The following PXYLP1 variants were observed in gnomAD, a reference collection of about 807,000 sequenced individuals.
The protein encoded by PXYLP1 is 2-phosphoxylose phosphatase 1.
Under a neutral mutation model 37.9 loss-of-function variants are expected in PXYLP1, and 17 were observed. The observed-to-expected ratio is 0.45, with a 90% CI of 0.31 to 0.67. The LOEUF is 0.67. PXYLP1 is among the 30% of genes least tolerant of loss of function. The pLI, the probability that PXYLP1 is intolerant of heterozygous loss-of-function variation, is 0.07. For synonymous variants in PXYLP1, 221 were observed against 232.2 expected (o/e 0.95, Z 0.44); for missense variants, 511 against 612.0 (o/e 0.84, Z 1.74).
Position 141,262,207 on chromosome 3 carries a change from T to C in PXYLP1, c.79+1953T>C, listed in dbSNP as rs115565960. ...GCATATGACAGCCTATTTCTAATAG[T>C]AAAAAGAATTTAAAATACTCGTTTT... On this transcript the variant is annotated intron_variant, in intron 2 of 5. Transcript: ENST00000286353. The C allele has an allele frequency of 5.2e-4, 458 of 876,194 alleles. 1 individual carries two copies. The African/African-American group carries it at 7.9e-3, about 15-fold the overall frequency. The allele number at this position is 876,194 out of a possible 1,614,324, so 54.3% of individuals were successfully genotyped here.
intron 1 of PXYLP1, among the ~76,000 whole-genome samples, chr3:141,244,378 T>C (rs1411146167): frequency 6.6e-6 from 1 of 151,912 alleles, no homozygotes; most frequent in Non-Finnish European, 1.5e-5. Context: ...TTTTTTTTGT[T>C]ATTTGCACCC....
At chr3:141,278,941 T>C (rs1249957204) in intron 3 of PXYLP1, among the ~76,000 whole-genome samples, 6 of 152,238 alleles carry the variant, frequency 3.9e-5, no homozygotes, top group African/African-American at 1.4e-4. Flanking sequence ...CAAGTTTTGC[T>C]TTTGTAAAAG....
At chr3:141,241,016 T>C (rs1164110955) in intron 1 of PXYLP1, among the ~76,000 whole-genome samples, 2 of 152,144 alleles carry the variant, frequency 1.3e-5, no homozygotes, top group African/African-American at 2.4e-5. Flanking sequence ...GAGAGCTCCC[T>C]GTTTTCAAGT....
chr3:141,265,728 C>T (rs866212367), intron 2 of PXYLP1, among the ~76,000 whole-genome samples: 11 of 152,166 alleles, frequency 7.2e-5, no homozygotes, highest in South Asian at 6.2e-4. Flanking sequence ...TTCATTCATG[C>T]ATGCATTCAT....
At chr3:141,269,737 C>T (rs569059342) in intron 2 of PXYLP1, among the ~76,000 whole-genome samples, 2 of 152,288 alleles carry the variant, frequency 1.3e-5, no homozygotes, top group African/African-American at 4.8e-5. Flanking sequence ...GTTAAGGAGA[C>T]AGGTTCTTTT....
chr3:141,283,903 C>G (rs949138305), intron 4 of PXYLP1, among the ~76,000 whole-genome samples: 1 of 151,808 alleles, frequency 6.6e-6, no homozygotes, highest in African/African-American at 2.4e-5. Flanking sequence ...GTGAATAATG[C>G]ATATAAAAGT....
chr3:141,280,143 G>A (rs1270141610), intron 4 of PXYLP1, among the ~76,000 whole-genome samples: 1 of 152,224 alleles, frequency 6.6e-6, no homozygotes, highest in East Asian at 1.9e-4. Context: ...AAAATATTGG[G>A]CTAGACCTCA....
intron 2 of PXYLP1, chr3:141,274,162 C>T: frequency 9.8e-7 from 1 of 1,022,288 alleles, no homozygotes; most frequent in Non-Finnish European, 1.2e-6. Flanking sequence ...GCCCCCAGCC[C>T]CTGGGTCTGT....
At chr3:141,267,821 A>ACCTC (rs1941554854) in intron 2 of PXYLP1, among the ~76,000 whole-genome samples, 1 of 147,314 alleles carries the variant, frequency 6.8e-6, no homozygotes, top group African/African-American at 2.5e-5. Context: ...CTAGATAATG[A>ACCTC]CCTCCCTCCC....
At chr3:141,271,837 G>A (rs1204233267) in intron 2 of PXYLP1, among the ~76,000 whole-genome samples, 5 of 152,202 alleles carry the variant, frequency 3.3e-5, no homozygotes, top group African/African-American at 7.2e-5. Context: ...TTAGCAAGGC[G>A]GAGACATGGT....
chr3:141,244,651 G>T (rs1940893264), intron 1 of PXYLP1, among the ~76,000 whole-genome samples: 1 of 149,474 alleles, frequency 6.7e-6, no homozygotes, highest in African/African-American at 2.5e-5. Flanking sequence ...TTTCTTGGAG[G>T]TTTGTCTGTC....
chr3:141,254,941 G>A (rs529592286), intron 1 of PXYLP1, among the ~76,000 whole-genome samples: 9 of 152,298 alleles, frequency 5.9e-5, no homozygotes, highest in African/African-American at 1.9e-4. Flanking sequence ...CTGGACCAGA[G>A]TTTGTCACTA....
chr3:141,286,810 C>T (rs1481736782), intron 4 of PXYLP1, among the ~76,000 whole-genome samples: 1 of 152,170 alleles, frequency 6.6e-6, no homozygotes, highest in African/African-American at 2.4e-5. Context: ...AATAAAGAGC[C>T]CATTGCCAGC....
intron 1 of PXYLP1, among the ~76,000 whole-genome samples, chr3:141,248,816 C>T (rs1009293765): frequency 8.4e-6 from 1 of 118,378 alleles, no homozygotes; most frequent in Non-Finnish European, 1.9e-5. Context: ...TATATACACA[C>T]GTATATATAT....
At chr3:141,242,435 G>C (rs1940828188) in intron 1 of PXYLP1, among the ~76,000 whole-genome samples, 1 of 152,224 alleles carries the variant, frequency 6.6e-6, no homozygotes, top group Admixed American at 6.5e-5. Flanking sequence ...TCTGATAACT[G>C]TGCTTTCTTT....
At position 141,293,054 on chromosome 3, in the gene PXYLP1, A is replaced by G. The variant is rs759706103; in HGVS notation, c.1292A>G (p.His431Arg). 6 of 1,613,984 alleles carry G rather than the reference A, an allele frequency of 3.7e-6. No individual in the cohort carries two copies. In the East Asian group the frequency reaches 1.3e-4, roughly 36 times the overall value. ...ILYNGVDVTF[H>R]TSFCQDHHKR... ...TACAATGGCGTCGATGTCACATTCC[A>G]CACCTCTTTCTGCCAAGACCACCAC... is the stretch of plus-strand genomic sequence containing the variant. The change falls in exon 6 of 6, where the codon CAC (histidine) becomes CGC (arginine). Residue 431 changes from histidine (H) to arginine (R), a missense_variant. Transcript: ENST00000286353.
At chr3:141,291,872 C>T (rs971428228) in intron 5 of PXYLP1, 8 of 182,906 alleles carry the variant, frequency 4.4e-5, no homozygotes, top group Non-Finnish European at 8.1e-5. Flanking sequence ...TCGCTGCACA[C>T]TGAGGAATGC....
intron 4 of PXYLP1, among the ~76,000 whole-genome samples, chr3:141,285,144 C>CTTTTTTTTTTTTTT (rs147495598): frequency 1.5e-4 from 12 of 78,762 alleles, no homozygotes; most frequent in African/African-American, 3.1e-4. Context: ...TTTTCTTTTT[C>CTTTTTTTTTTTTTT]TTTTTTTTTT....
At chr3:141,246,127 TG>T (rs553752891) in intron 1 of PXYLP1, among the ~76,000 whole-genome samples, 2 of 152,048 alleles carry the variant, frequency 1.3e-5, no homozygotes, top group African/African-American at 2.4e-5. Context: ...GAAAGCTTGG[TG>T]GGGGGTAGGC....
Sources: gnomAD v4.1 joint callset for allele counts (sites outside exome capture counted in the v4.1 genomes callset) on GRCh38, gnomAD v4.1.1 for gene constraint, MANE v1.5 for transcripts, NCBI Gene and HGNC (gene_info 2026-07-23, HGNC 2026-07-21) for gene names.